PIEZO1: variants seen among roughly 807,000 people sequenced by gnomAD.
PIEZO1 encodes the protein piezo-type mechanosensitive ion channel component 1.
A neutral mutation model predicts 297.2 loss-of-function variants in PIEZO1; 296 were observed. That is an observed-to-expected ratio of 1.00 (90% CI 0.91 to 1.10). The LOEUF (loss-of-function observed/expected upper bound fraction) is 1.10, where lower values mean the gene tolerates loss of function less well. Among genes scored for constraint, PIEZO1 ranks in the 50% least tolerant of loss-of-function variants. The pLI, the probability that PIEZO1 is intolerant of heterozygous loss-of-function variation, is 0.00. For synonymous variants in PIEZO1, 2,427 were observed against 1,507.5 expected, an observed-to-expected ratio of 1.61 and a Z score of -14.13; for missense variants, 5,018 against 3,455.5, an observed-to-expected ratio of 1.45 and a Z score of -11.34.
intron 1 of PIEZO1, among the ~76,000 whole-genome samples, chr16:88,753,081 ACCGCCC>A (rs1906472881): frequency 4.0e-5 from 1 of 25,062 alleles, no homozygotes; most frequent in Non-Finnish European, 9.6e-5. Context: ...AAGCCCACCC[ACCGCCC>A]CCAGAGCACA....
At chr16:88,777,494 C>T (rs1032515379) in intron 1 of PIEZO1, among the ~76,000 whole-genome samples, 1 of 151,960 alleles carries the variant, frequency 6.6e-6, no homozygotes, top group African/African-American at 2.4e-5. Flanking sequence ...TCCTCATTGT[C>T]ACTGGCCCGC....
chr16:88,719,537 TGGCCCTTGTCCC>T (rs775975777), intron 44 of PIEZO1, 25 bp downstream of exon 44: 1 of 1,526,396 alleles, frequency 6.6e-7, no homozygotes, highest in Admixed American at 2.0e-5. Context: ...GGCATATCCC[TGGCCCTTGTCCC>T]GGCCCCCGCC....
intron 12 of PIEZO1, 21 bp downstream of exon 12, chr16:88,736,127 G>T (rs976687969): frequency 3.1e-5 from 48 of 1,529,012 alleles, no homozygotes; most frequent in Non-Finnish European, 4.2e-5. Flanking sequence ...GGCACCCCCG[G>T]ATGTGGTGGT....
At position 88,719,932 on chromosome 16, in the gene PIEZO1, G is replaced by C. The variant is rs1166892016; in HGVS notation, c.6193C>G (p.Leu2065Val). Residue 2065 changes from leucine to valine, a missense_variant, in exon 43 of 51, where the codon CTC (leucine) becomes GTC (valine). Transcript: ENST00000301015. ...RMFNQNVVAQ[L>V]WYFVKCIYFA... The stretch of plus-strand genomic sequence containing the variant: ...TAGATGCACTTCACGAAGTACCAGA[G>C]CTGGGCCACCACATTCTGGTTGAAC... The C allele has an allele frequency of 6.5e-6, 10 of 1,550,378 alleles. No individual in the cohort carries two copies. The highest frequency in any genetic ancestry group is 8.7e-6 in the Non-Finnish European group (10 of 1,146,950).
chr16:88,720,018 G>T, intron 42 of PIEZO1, 51 bp downstream of exon 42: 1 of 1,548,996 alleles, frequency 6.5e-7, no homozygotes, highest in Admixed American at 2.0e-5. Flanking sequence ...AGGGCCCCCA[G>T]CCTGCACTGC....
chr16:88,731,631 G>A lies in PIEZO1; in HGVS notation c.3196+75C>T. The A allele has an allele frequency of 3.4e-6, 4 of 1,168,722 alleles. No homozygotes were observed. In the South Asian group the frequency reaches 4.2e-5, roughly 12 times the overall value. 72.4% of individuals were successfully genotyped at this position (1,168,722 alleles called of 1,614,324 possible). On this transcript the variant is annotated intron_variant, in intron 22 of 50. Transcript: ENST00000301015. ...TCTAGGAGGGTGGACAGGAGTCTGGGGCAGGCGGGAAACACCCCCACGGGC... is the reference window on the plus strand; with the variant it reads ...TCTAGGAGGGTGGACAGGAGTCTGGAGCAGGCGGGAAACACCCCCACGGGC...
rs1254703680 is a variant in PIEZO1 at position 88,716,310 on chromosome 16, C to A, written c.7050-33G>T. 26 of 1,495,628 alleles carry A rather than the reference C, an allele frequency of 1.7e-5. No individual in the cohort carries two copies. The East Asian group carries it at 5.2e-4, about 30-fold the overall frequency. The allele number at this position is 1,495,628 out of a possible 1,614,324, so 92.6% of individuals were successfully genotyped here. A position where few individuals can be genotyped will look rare whatever the true frequency, so the allele number is the denominator to read the frequency against. The stretch of plus-strand genomic sequence containing the variant: ...GAGGTGCTGGCAGGTCAGGCCTGGC[C>A]CAGCCAACCTGGCACAGCCCTCCTG... On this transcript the variant is annotated intron_variant, in intron 48 of 50. Coordinates refer to ENST00000301015, the MANE Select transcript of PIEZO1 (RefSeq NM_001142864.4).
Position 88,784,883 on chromosome 16 carries a change from C to T in PIEZO1, c.64+18G>A, listed in dbSNP as rs770920368. On this transcript the variant is annotated intron_variant, in intron 1 of 50. Transcript: ENST00000301015. ...GCAGCCCCCTCCCGTCGCCCCCAGG[C>T]GCCCGCCCCCCACTCACCAGCCAGC... The T allele has an allele frequency of 2.1e-6, 3 of 1,430,850 alleles. No homozygotes were observed. Among genetic ancestry groups the T allele is most frequent in the South Asian group, 1.3e-5 (1 of 77,000 alleles). 88.6% of individuals were successfully genotyped at this position (1,430,850 alleles called of 1,614,324 possible). A position where few individuals can be genotyped will look rare whatever the true frequency, so the allele number is the denominator to read the frequency against.
chr16:88,756,968 T>C (rs1242433020), intron 1 of PIEZO1, among the ~76,000 whole-genome samples: 1 of 151,560 alleles, frequency 6.6e-6, no homozygotes, highest in Non-Finnish European at 1.5e-5. Context: ...CCCAGCTACT[T>C]GGGGGGCTGA....
chr16:88,732,167 G>A (rs563701337), intron 21 of PIEZO1, among the ~76,000 whole-genome samples, 168 bp downstream of exon 21: 35 of 152,088 alleles, frequency 2.3e-4, no homozygotes, highest in South Asian at 4.1e-4. Flanking sequence ...TGTCAGCACC[G>A]ACACACCACA....
chr16:88,781,590 G>C (rs957326530), intron 1 of PIEZO1, among the ~76,000 whole-genome samples: 5 of 152,266 alleles, frequency 3.3e-5, no homozygotes, highest in African/African-American at 9.6e-5. Context: ...CCAAGCCACA[G>C]AGGAAAGCAG....
chr16:88,726,043 G>A (rs1286369480), intron 27 of PIEZO1: 2 of 573,882 alleles, frequency 3.5e-6, no homozygotes, highest in Non-Finnish European at 6.2e-6. Flanking sequence ...TTGGCTGGGG[G>A]TGAGACACCA....
In PIEZO1 at chr16:88,751,020, T is replaced by C. The variant is rs529587020; in HGVS notation, c.65-1541A>G. On this transcript the variant is annotated intron_variant, in intron 1 of 50. Transcript: ENST00000301015. ...GGATGTAGCCAACGAGATCCCTCCA[T>C]AGTCTGGCTCTGTGCCCAGGGGAGG... Among the ~76,000 whole-genome samples the C allele has an allele frequency of 9.2e-5, 14 of 152,100 alleles. No homozygotes were observed. The South Asian group carries it at 2.3e-3, about 25-fold the overall frequency.
Position 88,733,446 on chromosome 16 carries a change from C to T in PIEZO1, c.2496G>A (p.Val832=), listed in dbSNP as rs530609184. The change falls in exon 19 of 51, where the codon GTG becomes GTA. Residue 832 remains valine (V), a synonymous_variant. Coordinates refer to ENST00000301015, the MANE Select transcript of PIEZO1 (RefSeq NM_001142864.4). ...TVWVALKEVS[V]MNLLLVVLWA... Reference sequence around the variant, plus strand: ...ACAGCACCACCAGCAGCAGGTTCATCACCGACACCTGAGGGCAGTGGGCAC... The same window carrying T: ...ACAGCACCACCAGCAGCAGGTTCATTACCGACACCTGAGGGCAGTGGGCAC... 124 of 1,549,182 alleles carry T rather than the reference C, an allele frequency of 8.0e-5. 5 individuals carry two copies. Among genetic ancestry groups the T allele is most frequent in the Admixed American group, 5.9e-4 (30 of 50,978 alleles).
Position 88,722,033 on chromosome 16 carries a change from C to T in PIEZO1, c.4989G>A (p.Glu1663=). ...RLRIPELEEA[E]LFAEGQGRAL... ...CCCGGCCCTGCCCCTCCGCAAACAG[C>T]TCTGCCTCCTCCAGCTCTGGGATGC... Residue 1663 remains glutamate, a synonymous_variant, in exon 37 of 51, where the codon GAG becomes GAA. Coordinates refer to ENST00000301015, the MANE Select transcript of PIEZO1 (RefSeq NM_001142864.4). The T allele has an allele frequency of 1.9e-6, 3 of 1,547,890 alleles. No individual in the cohort carries two copies. The highest frequency in any genetic ancestry group is 2.6e-6 in the Non-Finnish European group (3 of 1,146,446).
chr16:88,743,389 T>C, intron 2 of PIEZO1: 1 of 448,898 alleles, frequency 2.2e-6, no homozygotes, highest in Non-Finnish European at 4.5e-6. Context: ...TTCCGGGCCC[T>C]CACCCTGGGG....
At position 88,738,804 on chromosome 16, in the gene PIEZO1, T is replaced by A. The variant is rs116658413; in HGVS notation, c.466-68A>T. On this transcript the variant is annotated intron_variant, in intron 5 of 50. Transcript: ENST00000301015. Reference sequence around the variant, plus strand: ...TGACGCCACCTCTCCAGCCCACACCTGCCCAGCCAGGAGCGTGGGAGGCGG... The same window carrying A: ...TGACGCCACCTCTCCAGCCCACACCAGCCCAGCCAGGAGCGTGGGAGGCGG... 2.5e-3 allele frequency: 3,517 copies of A among 1,403,592 alleles called. 73 individuals are homozygous for A. The African/African-American group carries it at 0.044, about 18-fold the overall frequency. The allele number at this position is 1,403,592 out of a possible 1,614,324, so 86.9% of individuals were successfully genotyped here.
At chr16:88,738,939 C>G (rs1905449414) in intron 5 of PIEZO1, 2 of 594,464 alleles carry the variant, frequency 3.4e-6, no homozygotes, top group Admixed American at 6.0e-5. Flanking sequence ...CTCAAGCTCA[C>G]AGTTCCTGCA....
Position 88,722,646 on chromosome 16 carries a change from C to G in PIEZO1, c.4712G>C (p.Ser1571Thr), listed in dbSNP as rs1441968721. ...GCCTGGCAGCGTGGCCTCGGCCTGG[C>G]TTGTGTACAGCTGATCCAGCACGCC... Reference protein sequence around the residue: ...HRGVLDQLYTSQAEATLPGPT... With the variant: ...HRGVLDQLYTTQAEATLPGPT... The change falls in exon 35 of 51, where the codon AGC becomes ACC. Residue 1571 changes from serine to threonine, a missense_variant. Physicochemically the swap from Ser to Thr is moderately conservative, Grantham distance 58 (BLOSUM62 1). Coordinates refer to ENST00000301015, the MANE Select transcript of PIEZO1 (RefSeq NM_001142864.4). The G allele has an allele frequency of 6.5e-7, 1 of 1,538,660 alleles. No individual in the cohort carries two copies. The highest frequency in any genetic ancestry group is 1.2e-5 in the South Asian group (1 of 84,032).
Sources: allele counts gnomAD v4.1 joint callset (sites outside exome capture counted in the v4.1 genomes callset), GRCh38; gene constraint gnomAD v4.1.1; transcripts MANE v1.5; gene names NCBI Gene and HGNC (gene_info 2026-07-23, HGNC 2026-07-21).